The following ERGIC2 variants were observed in gnomAD, a reference collection of about 807,000 sequenced individuals.
ERGIC2 encodes endoplasmic reticulum-Golgi intermediate compartment protein 2.
A neutral mutation model predicts 52.5 loss-of-function variants in ERGIC2; 31 were observed. That is an observed-to-expected ratio of 0.59 (90% CI 0.44 to 0.80). ERGIC2 has a LOEUF of 0.80. ERGIC2 is among the 30% of genes least tolerant of loss of function. The probability of loss-of-function intolerance (pLI) is 0.00; values close to 1 mark genes in which losing one functional copy is unlikely to be tolerated. For missense variants in ERGIC2, 395 were observed against 455.2 expected (o/e 0.87, Z 1.20); for synonymous variants, 129 against 140.6 (o/e 0.92, Z 0.58).
chr12:29,366,880 T>C lies in ERGIC2; in HGVS notation c.330A>G (p.Glu110=), dbSNP rs773332357. The change falls in exon 5 of 14, where the codon GAA becomes GAG. Residue 110 remains glutamate (E), a synonymous_variant. Transcript: ENST00000360150. ...MVASADGLVY[E]PTVFDLSPQQ... is the part of the protein sequence containing the mutation. ...AAACCATGTGAATCAAACTTACTGG[T>C]TCATAAACTAAACCATCTGCAGATG... 6.3e-7 allele frequency: 1 copy of C among 1,597,690 alleles called. No homozygotes were observed. The highest frequency in any genetic ancestry group is 8.6e-7 in the Non-Finnish European group (1 of 1,169,062).
intron 5 of ERGIC2, among the ~76,000 whole-genome samples, chr12:29,363,952 C>A (rs2136870392): frequency 1.3e-5 from 2 of 151,838 alleles, no homozygotes; most frequent in South Asian, 4.2e-4. Flanking sequence ...AACAATAATT[C>A]TCAGCATCCA....
intron 5 of ERGIC2, among the ~76,000 whole-genome samples, chr12:29,363,552 C>A (rs535519876): frequency 6.6e-6 from 1 of 151,860 alleles, no homozygotes; most frequent in African/African-American, 2.4e-5. Flanking sequence ...CATTAAGATA[C>A]AATTTTTAAT....
At chr12:29,353,682 A>G (rs1366590994) in intron 8 of ERGIC2, among the ~76,000 whole-genome samples, 1 of 150,864 alleles carries the variant, frequency 6.6e-6, no homozygotes, top group African/African-American at 2.4e-5. Context: ...ACCACCCAGG[A>G]TTTTACTCTG....
chr12:29,365,579 C>T (rs1940348820), intron 5 of ERGIC2, among the ~76,000 whole-genome samples: 1 of 151,416 alleles, frequency 6.6e-6, no homozygotes, highest in African/African-American at 2.4e-5. Flanking sequence ...AGGTAACAAA[C>T]CTTCACATGT....
rs779902733 is a variant in ERGIC2 at position 29,343,212 on chromosome 12, G to T, written c.896C>A (p.Ser299Tyr). ...CTCCTCAGTAACTGTCACCATAAGA[G>T]AACTGAGATCATATTTCATAAATAT... ...SGIFMKYDLSSLMVTVTEEHM... is the reference protein window; with the variant it reads ...SGIFMKYDLSYLMVTVTEEHM... Residue 299 changes from serine (S) to tyrosine (Y), a missense_variant, in exon 12 of 14, where the codon TCT (serine) becomes TAT (tyrosine). By Grantham distance (144) the Ser-to-Tyr change is moderately radical. Coordinates refer to ENST00000360150, the MANE Select transcript of ERGIC2 (RefSeq NM_016570.3). The T allele has an allele frequency of 7.5e-6, 12 of 1,610,632 alleles. No individual in the cohort carries two copies. Among genetic ancestry groups the T allele is most frequent in the Non-Finnish European group, 1.0e-5 (12 of 1,177,614 alleles).
chr12:29,368,141 T>C, intron 4 of ERGIC2, 100 bp downstream of exon 4: 1 of 751,920 alleles, frequency 1.3e-6, no homozygotes, highest in East Asian at 2.7e-5. Context: ...TAAAATATTA[T>C]AAAGGAAAAA....
chr12:29,377,329 G>T (rs1041202272), intron 1 of ERGIC2, among the ~76,000 whole-genome samples: 3 of 152,148 alleles, frequency 2.0e-5, no homozygotes, highest in African/African-American at 7.2e-5. Context: ...CAGTATCCAT[G>T]GGGTATTGGT....
intron 1 of ERGIC2, among the ~76,000 whole-genome samples, chr12:29,374,493 T>C (rs1199841645): frequency 6.6e-6 from 1 of 152,180 alleles, no homozygotes; most frequent in Admixed American, 6.5e-5. Context: ...CAAATCTTGA[T>C]TCTCTGCCCA....
intron 5 of ERGIC2, 84 bp from the exon 6 acceptor site, chr12:29,361,769 G>A (rs1940290253): frequency 2.2e-5 from 24 of 1,106,248 alleles, no homozygotes; most frequent in Non-Finnish European, 2.7e-5. Context: ...TCTTTGAGCA[G>A]GAAACATAAA....
At chr12:29,341,611 G>A (rs1014609487) in intron 13 of ERGIC2, 123 bp downstream of exon 13, 7 of 632,284 alleles carry the variant, frequency 1.1e-5, no homozygotes, top group Middle Eastern at 2.6e-4. Context: ...GGGCTCAAGC[G>A]ATCCTCCCGC....
chr12:29,375,369 T>G (rs1170610859), intron 1 of ERGIC2, among the ~76,000 whole-genome samples: 1 of 152,180 alleles, frequency 6.6e-6, no homozygotes, highest in Non-Finnish European at 1.5e-5. Context: ...CAATATTTAT[T>G]GAGAAAAGGA....
intron 1 of ERGIC2, among the ~76,000 whole-genome samples, chr12:29,379,449 C>A (rs1940557420): frequency 6.6e-6 from 1 of 152,136 alleles, no homozygotes; most frequent in Admixed American, 6.5e-5. Flanking sequence ...GACACATTAA[C>A]CACACCAATC....
Position 29,371,513 on chromosome 12 carries a change from T to C in ERGIC2, c.106+15A>G, listed in dbSNP as rs777676312. On this transcript the variant is annotated intron_variant, in intron 2 of 13. Coordinates refer to ENST00000360150, the MANE Select transcript of ERGIC2 (RefSeq NM_016570.3). ...TGTACTTACTACAGAACTTTTAATGTTAACTGATACTCACCTGTACCTCCA... is the reference window on the plus strand; with the variant it reads ...TGTACTTACTACAGAACTTTTAATGCTAACTGATACTCACCTGTACCTCCA... The C allele has an allele frequency of 6.5e-7, 1 of 1,539,430 alleles. No individual in the cohort carries two copies. Among genetic ancestry groups the C allele is most frequent in the Non-Finnish European group, 8.8e-7 (1 of 1,132,954 alleles).
intron 12 of ERGIC2, among the ~76,000 whole-genome samples, chr12:29,342,668 A>C (rs964783605): frequency 6.6e-6 from 1 of 152,242 alleles, no homozygotes; most frequent in African/African-American, 2.4e-5. Flanking sequence ...CATAATTCAA[A>C]GTACTATAAC....
chr12:29,352,010 T>C (rs545395718), intron 8 of ERGIC2, among the ~76,000 whole-genome samples: 20 of 152,280 alleles, frequency 1.3e-4, no homozygotes, highest in Admixed American at 5.2e-4. Context: ...TAATCCATGG[T>C]ACACTGTGCT....
chr12:29,366,708 T>C (rs1017790276), intron 5 of ERGIC2, among the ~76,000 whole-genome samples, 169 bp downstream of exon 5: 1 of 151,882 alleles, frequency 6.6e-6, no homozygotes, highest in African/African-American at 2.4e-5. Context: ...GTATATAATA[T>C]AACTTTTCTG....
intron 7 of ERGIC2, among the ~76,000 whole-genome samples, chr12:29,357,267 G>T (rs1016845903): frequency 7.2e-5 from 11 of 152,164 alleles, no homozygotes; most frequent in Non-Finnish European, 1.6e-4. Flanking sequence ...ACTGCGCCCA[G>T]CCTCTAATCT....
intron 6 of ERGIC2, among the ~76,000 whole-genome samples, chr12:29,361,370 A>G (rs1001741840): frequency 3.3e-5 from 5 of 152,242 alleles, no homozygotes; most frequent in African/African-American, 1.2e-4. Context: ...TAAAATGATC[A>G]TATATTACTT....
intron 11 of ERGIC2, among the ~76,000 whole-genome samples, chr12:29,344,193 TA>T (rs762821645): frequency 1.3e-5 from 2 of 152,184 alleles, no homozygotes; most frequent in Non-Finnish European, 2.9e-5. Context: ...AATCTTCTAC[TA>T]TTACAGATAA....
Sources: gnomAD v4.1 joint callset for allele counts (sites outside exome capture counted in the v4.1 genomes callset) on GRCh38, gnomAD v4.1.1 for gene constraint, MANE v1.5 for transcripts, NCBI Gene and HGNC (gene_info 2026-07-23, HGNC 2026-07-21) for gene names.